Variants in ABI1 observed in about 807,000 individuals in gnomAD.
ABI1 encodes abl interactor 1.
ABI1 carries 14 observed loss-of-function variants against 54.6 expected under a neutral mutation model. The observed-to-expected ratio is 0.26, with a 90% CI of 0.17 to 0.40. The LOEUF (loss-of-function observed/expected upper bound fraction) is 0.40. Among genes scored for constraint, ABI1 ranks in the 10% least tolerant of loss-of-function variants. The pLI is 1.00. For synonymous variants in ABI1, 194 were observed against 209.3 expected, an observed-to-expected ratio of 0.93 and a Z score of 0.63; for missense variants, 443 against 598.3, an observed-to-expected ratio of 0.74 and a Z score of 2.71.
At chr10:26,835,798 C>CA in intron 1 of ABI1, among the ~76,000 whole-genome samples, 1 of 142,644 alleles carries the variant, frequency 7.0e-6, no homozygotes, top group African/African-American at 2.6e-5. Context: ...TTTTTTGAGA[C>CA]TGGGTCCAGG....
chr10:26,756,917 G>A (rs1157376191), intron 8 of ABI1, among the ~76,000 whole-genome samples: 1 of 152,076 alleles, frequency 6.6e-6, no homozygotes, highest in Non-Finnish European at 1.5e-5. Flanking sequence ...GCAATTATGT[G>A]CATTAATATT....
intron 1 of ABI1, among the ~76,000 whole-genome samples, chr10:26,852,746 T>C (rs960607956): frequency 2.6e-5 from 4 of 151,960 alleles, no homozygotes; most frequent in African/African-American, 9.7e-5. Context: ...ATGAGTGAAT[T>C]AAAGGTAAAT....
intron 1 of ABI1, among the ~76,000 whole-genome samples, chr10:26,835,853 C>T (rs11015328): frequency 0.26 from 39,351 of 149,744 alleles, 5,941 homozygotes; most frequent in South Asian, 0.44. Context: ...GCCTTGAAAT[C>T]CTGGGCTCAA....
chr10:26,810,506 G>T (rs2133550100), intron 2 of ABI1, among the ~76,000 whole-genome samples: 1 of 152,212 alleles, frequency 6.6e-6, no homozygotes, highest in Admixed American at 6.5e-5. Context: ...AACACCTCAG[G>T]GATCGGCAAA....
At chr10:26,821,562 C>T (rs2047984751) in intron 2 of ABI1, among the ~76,000 whole-genome samples, 1 of 152,008 alleles carries the variant, frequency 6.6e-6, no homozygotes, top group Non-Finnish European at 1.5e-5. Flanking sequence ...CTTTGGGAGG[C>T]CAAGGTGGGT....
chr10:26,763,157 T>C (rs1037285975), intron 7 of ABI1, among the ~76,000 whole-genome samples: 1 of 152,206 alleles, frequency 6.6e-6, no homozygotes, highest in African/African-American at 2.4e-5. Flanking sequence ...CCTTGGTATG[T>C]GCAAATGTTT....
chr10:26,846,031 C>T (rs2049948106), intron 1 of ABI1, among the ~76,000 whole-genome samples: 1 of 151,672 alleles, frequency 6.6e-6, no homozygotes, highest in South Asian at 2.1e-4. Flanking sequence ...GTAATCCCAG[C>T]TACTGAGGCT....
chr10:26,854,474 GA>G (rs1015873644), intron 1 of ABI1, among the ~76,000 whole-genome samples: 3 of 149,488 alleles, frequency 2.0e-5, no homozygotes, highest in Non-Finnish European at 3.0e-5. Flanking sequence ...GGAAAGAAAA[GA>G]AAAAAAAAGA....
chr10:26,860,911 A>G lies in ABI1; in HGVS notation c.-48T>C. The G allele has an allele frequency of 6.4e-7, 1 of 1,567,084 alleles. No homozygotes were observed. Among genetic ancestry groups the G allele is most frequent in the Non-Finnish European group, 8.8e-7 (1 of 1,138,910 alleles). On this transcript the variant is annotated 5_prime_UTR_variant, in exon 1 of 11. Coordinates refer to ENST00000376140, the MANE Select transcript of ABI1 (RefSeq NM_001012750.3). The surrounding 1 kb of genome is among the most constrained non-coding windows in gnomAD (Gnocchi z 4.1). ...CCTCTCGCGTTAAAGAGACAGAGGC[A>G]GCAAGGTCCGCCGAGGCTCCGAGCA...
At chr10:26,858,593 C>A (rs969472152) in intron 1 of ABI1, among the ~76,000 whole-genome samples, 49 of 143,268 alleles carry the variant, frequency 3.4e-4, no homozygotes, top group Non-Finnish European at 5.1e-4. Flanking sequence ...TATTCGTGCA[C>A]CATGGCACTA....
At chr10:26,773,436 G>C (rs1840990526) in intron 3 of ABI1, among the ~76,000 whole-genome samples, 1 of 151,682 alleles carries the variant, frequency 6.6e-6, no homozygotes, top group Non-Finnish European at 1.5e-5. Context: ...CTGGCCTCAA[G>C]TGATCCTCCC....
chr10:26,759,299 T>C, intron 7 of ABI1, 61 bp from the exon 8 acceptor site: 4 of 1,475,004 alleles, frequency 2.7e-6, no homozygotes, highest in South Asian at 1.4e-5. Context: ...TCACCTTAGA[T>C]GGCAGAACAA....
intron 1 of ABI1, among the ~76,000 whole-genome samples, chr10:26,847,677 G>A (rs1490557754): frequency 6.6e-6 from 1 of 150,914 alleles, no homozygotes; most frequent in Non-Finnish European, 1.5e-5. Context: ...AGATGGAACT[G>A]AAAAAAAATA....
chr10:26,750,898 T>C lies in ABI1; in HGVS notation c.1270+700A>G, dbSNP rs76466779. On this transcript the variant is annotated intron_variant, in intron 10 of 10. Transcript: ENST00000376140. ...TAGAGTAGTTCATAATTTCATGAAA[T>C]ACAATCCTGATAATTTCTCTTGTGT... Among the ~76,000 whole-genome samples the C allele has an allele frequency of 1.4e-4, 21 of 152,330 alleles. No individual in the cohort carries two copies. The East Asian group carries it at 4.0e-3, about 29-fold the overall frequency.
chr10:26,833,003 T>C (rs1215865769), intron 1 of ABI1, among the ~76,000 whole-genome samples: 1 of 152,250 alleles, frequency 6.6e-6, no homozygotes, highest in East Asian at 1.9e-4. Flanking sequence ...TACCAGGTTA[T>C]GGCAAGTATC....
intron 2 of ABI1, among the ~76,000 whole-genome samples, chr10:26,822,713 G>A (rs891185580): frequency 4.6e-5 from 7 of 152,292 alleles, no homozygotes; most frequent in East Asian, 1.9e-4. Flanking sequence ...GAGGGATTAC[G>A]TAGGAGAATG....
intron 2 of ABI1, among the ~76,000 whole-genome samples, chr10:26,811,463 GGA>G (rs2047223330): frequency 6.6e-6 from 1 of 152,190 alleles, no homozygotes; most frequent in Admixed American, 6.5e-5. Flanking sequence ...CCAAAGAAGG[GGA>G]GTTAGGAAAT....
In ABI1 at chr10:26,827,882, C is replaced by T. The variant is rs202163276; in HGVS notation, c.118-4577G>A. Among the ~76,000 whole-genome samples, 12 of 152,308 alleles carry T rather than the reference C, an allele frequency of 7.9e-5. No homozygotes were observed. The East Asian group carries it at 1.2e-3, about 15-fold the overall frequency. On this transcript the variant is annotated intron_variant, in intron 1 of 10. Transcript: ENST00000376140. ...TGCTGGGATTACAGGCGTGAGCCACCGCACCCGGCCAGCTTTTCTCTTTCT... is the reference window on the plus strand; with the variant it reads ...TGCTGGGATTACAGGCGTGAGCCACTGCACCCGGCCAGCTTTTCTCTTTCT...
intron 2 of ABI1, among the ~76,000 whole-genome samples, chr10:26,785,286 T>A (rs1311622395): frequency 6.6e-6 from 1 of 152,234 alleles, no homozygotes; most frequent in African/African-American, 2.4e-5. Context: ...GTACCTGTTG[T>A]GAGTAGAGGG....
Sources: gnomAD v4.1 joint callset for allele counts (sites outside exome capture counted in the v4.1 genomes callset) on GRCh38, gnomAD v4.1.1 for gene constraint, Gnocchi (gnomAD v3.1) non-coding constraint, MANE v1.5 for transcripts, NCBI Gene and HGNC (gene_info 2026-07-23, HGNC 2026-07-21) for gene names.